The following NCEH1 variants were observed in gnomAD, a reference collection of about 807,000 sequenced individuals.
The protein encoded by NCEH1 is neutral cholesterol ester hydrolase 1, also known as 2-acetyl MAGE hydrolase.
NCEH1 carries 9 observed loss-of-function variants against 25.4 expected under a neutral mutation model. The ratio of observed to expected loss-of-function variants is 0.35; its 90% confidence interval spans 0.21 to 0.62. The LOEUF (loss-of-function observed/expected upper bound fraction) is 0.62. Among genes scored for constraint, NCEH1 ranks in the 20% least tolerant of loss-of-function variants. The probability of loss-of-function intolerance (pLI) is 0.72; values close to 1 mark genes in which losing one functional copy is unlikely to be tolerated. For missense variants in NCEH1, 412 were observed against 501.1 expected (o/e 0.82, Z 1.70); for synonymous variants, 200 against 199.8 (o/e 1.00, Z -0.01).
At chr3:172,649,829 A>G (rs915782363) in intron 1 of NCEH1, among the ~76,000 whole-genome samples, 3 of 152,270 alleles carry the variant, frequency 2.0e-5, no homozygotes, top group Non-Finnish European at 4.4e-5. Context: ...AAACGATGAA[A>G]TATGAACAAA....
Position 172,635,983 on chromosome 3 carries a change from T to A in NCEH1, c.542A>T (p.Asp181Val), listed in dbSNP as rs769648280. ...ACCAGAAATGCAAATTCTGCCTGGA[T>A]CAACCATATACTTCTGTAAGACTTC... ...KPEVLQKYMV[D>V]PGRICISGDS... Residue 181 changes from aspartate (D) to valine (V), a missense_variant, in exon 4 of 5, where the codon GAT (aspartate) becomes GTT (valine). Physicochemically the swap from Asp to Val is radical, Grantham distance 152. Around this residue, in one of 3 missense-constraint regions of NCEH1, gnomAD observed 24 missense variants for 53.8 expected, o/e 0.45. Transcript: ENST00000475381. 1 of 1,614,204 alleles carries A rather than the reference T, an allele frequency of 6.2e-7. No homozygotes were observed. Among genetic ancestry groups the A allele is most frequent in the Admixed American group, 1.7e-5 (1 of 60,028 alleles).
At chr3:172,642,757 CTCTTA>C (rs1716918069) in intron 3 of NCEH1, among the ~76,000 whole-genome samples, 3 of 152,078 alleles carry the variant, frequency 2.0e-5, no homozygotes, top group South Asian at 2.1e-4. Context: ...ATCTGAACTC[CTCTTA>C]TATCAATTGT....
At chr3:172,683,756 GC>G (rs1395336881) in intron 1 of NCEH1, among the ~76,000 whole-genome samples, 1 of 152,226 alleles carries the variant, frequency 6.6e-6, no homozygotes, top group Non-Finnish European at 1.5e-5. Context: ...AAATTTAACT[GC>G]TTGATAGGCT....
rs376815925 is a variant in NCEH1, at chr3:172,710,955, G to T, written c.30C>A (p.Ala10=). 84 of 1,613,994 alleles carry T rather than the reference G, an allele frequency of 5.2e-5. No individual in the cohort carries two copies. The highest frequency in any genetic ancestry group is 4.1e-4 in the South Asian group (37 of 91,094). MRSSCVLLT[A]LVALAAYYVY... ...CGTAATAGGCGGCCAGCGCCACCAG[G>T]GCGGTGAGCAGGACACAGGACGACC... Residue 10 remains alanine (A), a synonymous_variant, in exon 1 of 5, where the codon GCC becomes GCA. Transcript: ENST00000475381.
intron 1 of NCEH1, among the ~76,000 whole-genome samples, chr3:172,686,239 T>A (rs558446306): frequency 3.0e-4 from 46 of 152,340 alleles, no homozygotes; most frequent in African/African-American, 1.1e-3. Flanking sequence ...GTAACCAATG[T>A]CCTGCTCTAT....
At chr3:172,699,073 T>A (rs1490529564) in intron 1 of NCEH1, among the ~76,000 whole-genome samples, 13 of 151,968 alleles carry the variant, frequency 8.6e-5, no homozygotes, top group Non-Finnish European at 1.9e-4. Context: ...CTAAGGGCCA[T>A]AAAAGAAAAC....
rs1457058017 is a variant in NCEH1 at position 172,681,228 on chromosome 3, G to A, written c.138+29619C>T. On this transcript the variant is annotated intron_variant, in intron 1 of 4. Transcript: ENST00000475381. ...GTCTGATGACACCAAAAAATAAGAG[G>A]AGAGAGAAACTGAAGAGAAAGATCA... is the stretch of plus-strand genomic sequence containing the variant. 2.0e-5 allele frequency: 3 copies of A among 151,846 alleles called. 1 individual carries two copies. Among genetic ancestry groups the A allele is most frequent in the South Asian group, 4.2e-4 (2 of 4,810 alleles). 9.4% of individuals were successfully genotyped at this position (151,846 alleles called of 1,614,324 possible).
rs927495384 is a variant in NCEH1 at position 172,647,802 on chromosome 3, C to T, written c.367+84G>A. 5.8e-6 allele frequency: 9 copies of T among 1,557,242 alleles called. No individual in the cohort carries two copies. The Admixed American group carries it at 1.3e-4, about 23-fold the overall frequency. On this transcript the variant is annotated intron_variant, in intron 2 of 4. Transcript: ENST00000475381. ...ACCTAGATAAATGGTCCCCTTCTTT[C>T]CCACTAAGAAAGCCAAACTCAGTTA...
Position 172,710,479 on chromosome 3 carries a change from C to T in NCEH1, c.138+368G>A, listed in dbSNP as rs573255126. 1.2e-4 allele frequency among the ~76,000 whole-genome samples: 18 copies of T among 152,294 alleles called. No homozygotes were observed. In the East Asian group the frequency reaches 3.3e-3, roughly 28 times the overall value. Reference sequence around the variant, plus strand: ...CTAAAAATATTTATCCTCTGCCGGTCCCTATGGGAGAACGACAGTGTGAAG... The same window carrying T: ...CTAAAAATATTTATCCTCTGCCGGTTCCTATGGGAGAACGACAGTGTGAAG... On this transcript the variant is annotated intron_variant, in intron 1 of 4. Coordinates refer to ENST00000475381, the MANE Select transcript of NCEH1 (RefSeq NM_020792.6).
intron 2 of NCEH1, 142 bp from the exon 3 acceptor site, chr3:172,645,834 A>ATC (rs1717094411): frequency 2.0e-6 from 1 of 512,006 alleles, no homozygotes; most frequent in Non-Finnish European, 3.5e-6. Flanking sequence ...AACAAATAAT[A>ATC]GAGTTACATG....
chr3:172,695,842 G>T (rs886888952), intron 1 of NCEH1, among the ~76,000 whole-genome samples: 3 of 152,028 alleles, frequency 2.0e-5, no homozygotes, highest in Non-Finnish European at 4.4e-5. Flanking sequence ...TACTTGGGAG[G>T]CTGAGGCAGG....
At chr3:172,700,758 A>G (rs1713635370) in intron 1 of NCEH1, among the ~76,000 whole-genome samples, 1 of 152,126 alleles carries the variant, frequency 6.6e-6, no homozygotes, top group African/African-American at 2.4e-5. Context: ...TGTGTGAGCC[A>G]CCGTGCCTGG....
rs543662587 is a variant in NCEH1 at position 172,633,412 on chromosome 3, T to C, written c.*63A>G. 52 of 1,495,514 alleles carry C rather than the reference T, an allele frequency of 3.5e-5. No homozygotes were observed. In the African/African-American group the frequency reaches 6.4e-4, roughly 18 times the overall value. The allele number at this position is 1,495,514 out of a possible 1,614,324, so 92.6% of individuals were successfully genotyped here. A position where few individuals can be genotyped will look rare whatever the true frequency, so the allele number is the denominator to read the frequency against. On this transcript the variant is annotated 3_prime_UTR_variant, in exon 5 of 5. Coordinates refer to ENST00000475381, the MANE Select transcript of NCEH1 (RefSeq NM_020792.6). ...AAGAATTAGTCAACTAAAAAGTGCA[T>C]GTCTTTCCAAAGCAGGTGTAGGAGG...
At chr3:172,710,364 C>G (rs574643785) in intron 1 of NCEH1, among the ~76,000 whole-genome samples, 15 of 152,182 alleles carry the variant, frequency 9.9e-5, no homozygotes, top group Non-Finnish European at 2.1e-4. Context: ...CGCTCCACAG[C>G]CTGGGGACAT....
chr3:172,644,884 TGATA>T (rs1577055895), intron 3 of NCEH1, among the ~76,000 whole-genome samples: 1 of 152,160 alleles, frequency 6.6e-6, no homozygotes, highest in East Asian at 1.9e-4. Flanking sequence ...CAGATATTGA[TGATA>T]GCTTTGGAGA....
At position 172,696,072 on chromosome 3, in the gene NCEH1, G is replaced by A. The variant is rs558304248; in HGVS notation, c.138+14775C>T. Among the ~76,000 whole-genome samples the A allele has an allele frequency of 8.5e-5, 13 of 152,212 alleles. No individual in the cohort carries two copies. The East Asian group carries it at 1.2e-3, about 14-fold the overall frequency. ...TACGGACCCTAAAACTTTAACTTTA[G>A]GAAGAGGTTTTGAGTTCTTGTTATA... is the stretch of plus-strand genomic sequence containing the variant. On this transcript the variant is annotated intron_variant, in intron 1 of 4. Coordinates refer to ENST00000475381, the MANE Select transcript of NCEH1 (RefSeq NM_020792.6).
chr3:172,639,869 G>A (rs73038654), intron 3 of NCEH1, among the ~76,000 whole-genome samples: 2,343 of 152,244 alleles, frequency 0.015, 53 homozygotes, highest in African/African-American at 0.053. Flanking sequence ...TTCTACAGAC[G>A]TATGTCACTC....
intron 1 of NCEH1, among the ~76,000 whole-genome samples, chr3:172,649,516 T>C (rs1289298428): frequency 6.6e-6 from 1 of 152,226 alleles, no homozygotes; most frequent in Non-Finnish European, 1.5e-5. Context: ...TTCATGTCTT[T>C]GATACTAATT....
chr3:172,669,133 A>G (rs1472607395), intron 1 of NCEH1, among the ~76,000 whole-genome samples: 1 of 152,224 alleles, frequency 6.6e-6, no homozygotes, highest in African/African-American at 2.4e-5. Context: ...AATGTCTTTG[A>G]GACACTGAAT....
Sources: allele counts gnomAD v4.1 joint callset (sites outside exome capture counted in the v4.1 genomes callset), GRCh38; gene constraint gnomAD v4.1.1; regional missense constraint gnomAD v4.1.1; transcripts MANE v1.5; gene names NCBI Gene and HGNC (gene_info 2026-07-23, HGNC 2026-07-21).